The following KCNN2 variants were observed in gnomAD, a reference collection of about 807,000 sequenced individuals.
KCNN2 encodes potassium calcium-activated channel subfamily N member 2, also known as small conductance calcium-activated potassium channel protein 2.
A neutral mutation model predicts 55.5 loss-of-function variants in KCNN2; 24 were observed. That is an observed-to-expected ratio of 0.43 (90% CI 0.31 to 0.61). The LOEUF (loss-of-function observed/expected upper bound fraction) is 0.61. KCNN2 is among the 20% of genes least tolerant of loss of function. The probability of loss-of-function intolerance (pLI) is 0.08; values close to 1 mark genes in which losing one functional copy is unlikely to be tolerated. For missense variants in KCNN2, 754 were observed against 853.6 expected (o/e 0.88, Z 1.45); for synonymous variants, 431 against 336.1 (o/e 1.28, Z -3.09).
Position 114,115,706 on chromosome 5 carries a change from T to A in KCNN2, c.-271+59206T>A, listed in dbSNP as rs185665651. Among the ~76,000 whole-genome samples, 271 of 152,098 alleles carry A rather than the reference T, an allele frequency of 1.8e-3. 1 individual carries two copies. Among genetic ancestry groups the A allele is most frequent in the African/African-American group, 6.1e-3 (254 of 41,504 alleles). On this transcript the variant is annotated intron_variant, in intron 1 of 10. Transcript: ENST00000512097. Reference sequence around the variant, plus strand: ...CACTGAGGGAAAAAAAAAGGTAAGATTGAAAGGGAAGAAGGAAGTTGTAGT... The same window carrying A: ...CACTGAGGGAAAAAAAAAGGTAAGAATGAAAGGGAAGAAGGAAGTTGTAGT...
intron 2 of KCNN2, among the ~76,000 whole-genome samples, chr5:114,388,722 C>G (rs562883463): frequency 6.6e-6 from 1 of 152,258 alleles, no homozygotes; most frequent in East Asian, 1.9e-4. Flanking sequence ...CCCTTTCCCC[C>G]TGAGAAATAG....
At chr5:114,354,102 TTATTA>T (rs1329526980) in intron 2 of KCNN2, among the ~76,000 whole-genome samples, 2 of 152,032 alleles carry the variant, frequency 1.3e-5, no homozygotes, top group East Asian at 3.8e-4. Flanking sequence ...GGGGGTTTTC[TTATTA>T]TTATGCTTTC....
intron 4 of KCNN2, 113 bp from the exon 5 acceptor site, chr5:114,472,941 C>T (rs1213274072): frequency 1.4e-5 from 8 of 581,200 alleles, no homozygotes; most frequent in African/African-American, 1.1e-4. Flanking sequence ...TTATTGAAGA[C>T]AATGTTTTTA....
At chr5:114,093,696 CAGG>C (rs1262426267) in intron 1 of KCNN2, among the ~76,000 whole-genome samples, 2 of 152,152 alleles carry the variant, frequency 1.3e-5, no homozygotes, top group Non-Finnish European at 1.5e-5. Flanking sequence ...AGAATGAATG[CAGG>C]AGGAAATACC....
intron 2 of KCNN2, among the ~76,000 whole-genome samples, chr5:114,280,362 A>T (rs907733387): frequency 6.6e-6 from 1 of 152,112 alleles, no homozygotes; most frequent in Non-Finnish European, 1.5e-5. Context: ...GTTTTAGTCA[A>T]GAAGTCCTTG....
chr5:114,179,462 C>T (rs1459254040), intron 1 of KCNN2, among the ~76,000 whole-genome samples: 1 of 152,130 alleles, frequency 6.6e-6, no homozygotes, highest in Non-Finnish European at 1.5e-5. Context: ...TGCTTTCAAT[C>T]AAAGGTTATT....
chr5:114,085,116 A>C (rs1345335689), intron 1 of KCNN2, among the ~76,000 whole-genome samples: 1 of 151,668 alleles, frequency 6.6e-6, no homozygotes, highest in African/African-American at 2.4e-5. Context: ...TGATTACTGT[A>C]GCTTTAGAGT....
chr5:114,469,096 C>A (rs751971748), intron 4 of KCNN2, among the ~76,000 whole-genome samples: 12 of 152,140 alleles, frequency 7.9e-5, no homozygotes, highest in African/African-American at 1.2e-4. Flanking sequence ...TTGGCAGCAT[C>A]TAAGACTATC....
chr5:114,296,413 A>G (rs1756013218), intron 2 of KCNN2, among the ~76,000 whole-genome samples: 1 of 152,248 alleles, frequency 6.6e-6, no homozygotes, highest in Non-Finnish European at 1.5e-5. Flanking sequence ...TGCTAAGAAT[A>G]TTGCTTTAGG....
upstream of KCNN2, chr5:114,360,846 C>T (rs1466825995): frequency 2.6e-5 from 4 of 152,346 alleles, no homozygotes; most frequent in Non-Finnish European, 5.9e-5. Flanking sequence ...TCAGCCCGCG[C>T]CAGGCCCCTT....
At chr5:114,171,932 A>C (rs1753041004) in intron 1 of KCNN2, among the ~76,000 whole-genome samples, 1 of 151,818 alleles carries the variant, frequency 6.6e-6, no homozygotes, top group Admixed American at 6.6e-5. Context: ...TAATTATCCC[A>C]GTTTTCAGGG....
At chr5:114,377,434 C>T (rs13187461) in intron 2 of KCNN2, among the ~76,000 whole-genome samples, 18,118 of 152,120 alleles carry the variant, frequency 0.12, 1,329 homozygotes, top group Middle Eastern at 0.21. Flanking sequence ...TGGATGGTGT[C>T]TGTTGCTTGT....
intron 2 of KCNN2, among the ~76,000 whole-genome samples, chr5:114,354,488 T>C (rs1404719924): frequency 1.3e-5 from 2 of 152,098 alleles, no homozygotes; most frequent in Admixed American, 6.5e-5. Context: ...TTTGCTACCA[T>C]GAGGTAAGTT....
At chr5:114,482,457 A>C (rs1762268348) in intron 5 of KCNN2, among the ~76,000 whole-genome samples, 2 of 152,212 alleles carry the variant, frequency 1.3e-5, no homozygotes, top group South Asian at 4.1e-4. Flanking sequence ...CCATTGTGAA[A>C]GACATTAAGG....
At chr5:114,481,821 T>G (rs1762241636) in intron 5 of KCNN2, among the ~76,000 whole-genome samples, 2 of 152,206 alleles carry the variant, frequency 1.3e-5, no homozygotes, top group Admixed American at 1.3e-4. Context: ...CTGGGAGATC[T>G]GGCTAGCTAT....
At chr5:114,365,566 C>T (rs1757576279) in intron 2 of KCNN2, among the ~76,000 whole-genome samples, 1 of 152,190 alleles carries the variant, frequency 6.6e-6, no homozygotes, top group Non-Finnish European at 1.5e-5. Context: ...CTTGCCGGGC[C>T]ACACAGCTAG....
chr5:114,248,726 A>G (rs915794852), intron 2 of KCNN2, among the ~76,000 whole-genome samples: 1 of 152,228 alleles, frequency 6.6e-6, no homozygotes, highest in African/African-American at 2.4e-5. Flanking sequence ...CCATAGAGAG[A>G]CACAATGTAC....
At chr5:114,383,235 A>G (rs143115358) in intron 2 of KCNN2, among the ~76,000 whole-genome samples, 141 of 152,252 alleles carry the variant, frequency 9.3e-4, no homozygotes, top group African/African-American at 3.3e-3. Flanking sequence ...CCTTCCTCCC[A>G]ACAGTGTAGT....
intron 1 of KCNN2, among the ~76,000 whole-genome samples, chr5:114,190,867 G>T (rs141014156): frequency 2.0e-5 from 3 of 152,112 alleles, no homozygotes; most frequent in Non-Finnish European, 4.4e-5. Context: ...ATTAGATATT[G>T]ATTGGGGAAC....
Sources: allele counts gnomAD v4.1 joint callset (sites outside exome capture counted in the v4.1 genomes callset), GRCh38; gene constraint gnomAD v4.1.1; transcripts MANE v1.5; gene names NCBI Gene and HGNC (gene_info 2026-07-23, HGNC 2026-07-21).